Variants in FOXP2 observed in about 807,000 individuals in gnomAD.
FOXP2 encodes forkhead box P2.
A neutral mutation model predicts 115.8 loss-of-function variants in FOXP2; 12 were observed. The observed-to-expected ratio is 0.10, with a 90% CI of 0.07 to 0.17. FOXP2 has a LOEUF of 0.17. FOXP2 is among the 10% of genes least tolerant of loss of function. The pLI, the probability that FOXP2 is intolerant of heterozygous loss-of-function variation, is 1.00. For synonymous variants in FOXP2, 328 were observed against 297.7 expected (o/e 1.10, Z -1.05); for missense variants, 629 against 843.5 (o/e 0.75, Z 3.15).
intron 2 of FOXP2, among the ~76,000 whole-genome samples, chr7:114,526,552 A>C (rs1420148767): frequency 1.3e-5 from 2 of 151,868 alleles, no homozygotes; most frequent in African/African-American, 4.8e-5. Flanking sequence ...TAGTCTTCAC[A>C]GAAGTAATCA....
At chr7:114,664,765 A>G (rs902931260) in intron 16 of FOXP2, 2 of 330,240 alleles carry the variant, frequency 6.1e-6, no homozygotes, top group Non-Finnish European at 1.2e-5. Context: ...TGGTGCAATA[A>G]GAATATTCAT....
At position 114,313,344 on chromosome 7, in the gene FOXP2, C is replaced by G. The variant is rs561415808; in HGVS notation, c.-11+25235C>G. Among the ~76,000 whole-genome samples the G allele has an allele frequency of 2.1e-4, 32 of 152,254 alleles. No individual in the cohort carries two copies. In the Middle Eastern group the frequency reaches 0.01, roughly 49 times the overall value. On this transcript the variant is annotated intron_variant, in intron 2 of 17. Transcript: ENST00000634411. The stretch of plus-strand genomic sequence containing the variant: ...TACTTCCACTGATTATTTGGAACAT[C>G]TTTCTGGAGAAGACAGTCTCTAAAA...
intron 1 of FOXP2, among the ~76,000 whole-genome samples, chr7:114,121,927 C>G (rs561970346): frequency 6.6e-6 from 1 of 152,064 alleles, no homozygotes; most frequent in South Asian, 2.1e-4. Context: ...TAGTAAGTAC[C>G]TATTTGAAGA....
intron 1 of FOXP2, among the ~76,000 whole-genome samples, chr7:114,135,720 T>C (rs1027370306): frequency 6.6e-5 from 10 of 152,138 alleles, no homozygotes; most frequent in South Asian, 6.2e-4. Context: ...CTATGATGTA[T>C]TAAATCTGTT....
At chr7:114,194,864 A>G (rs1016413648) in intron 1 of FOXP2, among the ~76,000 whole-genome samples, 5 of 152,182 alleles carry the variant, frequency 3.3e-5, no homozygotes, top group Admixed American at 1.3e-4. Context: ...ACTATTAAGA[A>G]CACAGATATA....
intron 1 of FOXP2, among the ~76,000 whole-genome samples, chr7:114,182,547 A>T (rs1482420792): frequency 6.6e-6 from 1 of 151,936 alleles, no homozygotes; most frequent in Non-Finnish European, 1.5e-5. Context: ...ATTTGGAAGG[A>T]CATATTCTTA....
rs140874175 is a variant in FOXP2, at chr7:114,126,729, T to C, written c.-246-36215T>C. Among the ~76,000 whole-genome samples the C allele has an allele frequency of 2.0e-5, 3 of 152,214 alleles. No individual in the cohort carries two copies. The East Asian group carries it at 5.8e-4, about 29-fold the overall frequency. On this transcript the variant is annotated intron_variant, in intron 1 of 19. Coordinates refer to the FOXP2 transcript ENST00000635638. ...CTTGGCTTAGATTTGTATGAATGAG[T>C]AGGAACCTATGTGAAGGAAGGCATA...
intron 1 of FOXP2, among the ~76,000 whole-genome samples, chr7:114,100,599 T>A (rs192447830): frequency 6.6e-6 from 1 of 152,206 alleles, no homozygotes; most frequent in Non-Finnish European, 1.5e-5. Flanking sequence ...CTTTTATTTA[T>A]GTTAGCAATT....
chr7:114,384,314 TA>T (rs1205900492), intron 2 of FOXP2, among the ~76,000 whole-genome samples: 1 of 152,180 alleles, frequency 6.6e-6, no homozygotes, highest in Non-Finnish European at 1.5e-5. Context: ...TGCATTCCCA[TA>T]AACAACAGTT....
At chr7:114,419,242 A>G (rs535271832) in intron 1 of FOXP2, among the ~76,000 whole-genome samples, 95 of 152,038 alleles carry the variant, frequency 6.2e-4, no homozygotes, top group African/African-American at 2.0e-3. Flanking sequence ...GGCATTTTCT[A>G]TTGTTTGGCA....
intron 2 of FOXP2, among the ~76,000 whole-genome samples, chr7:114,452,728 A>G (rs187827595): frequency 6.6e-6 from 1 of 152,234 alleles, no homozygotes; most frequent in East Asian, 1.9e-4. Context: ...TAAGTACTCA[A>G]CAATGTGTGT....
At chr7:114,169,330 G>A (rs202005342) in intron 1 of FOXP2, among the ~76,000 whole-genome samples, 1 of 152,228 alleles carries the variant, frequency 6.6e-6, no homozygotes, top group African/African-American at 2.4e-5. Flanking sequence ...CCAAGACCAT[G>A]GGAACCCACC....
At chr7:114,531,849 T>A (rs1799158986) in intron 2 of FOXP2, among the ~76,000 whole-genome samples, 1 of 152,002 alleles carries the variant, frequency 6.6e-6, no homozygotes, top group Non-Finnish European at 1.5e-5. Context: ...TAGTGATACT[T>A]TGATGAGCAA....
At chr7:114,628,241 C>A (rs1804701744) in intron 3 of FOXP2, among the ~76,000 whole-genome samples, 1 of 151,986 alleles carries the variant, frequency 6.6e-6, no homozygotes, top group African/African-American at 2.4e-5. Flanking sequence ...AGAACACCAC[C>A]ATGTGGTTGT....
chr7:114,554,723 AAATT>A (rs1301240278), intron 3 of FOXP2, among the ~76,000 whole-genome samples: 5 of 152,330 alleles, frequency 3.3e-5, no homozygotes, highest in East Asian at 3.9e-4. Flanking sequence ...AACTGTCAAT[AAATT>A]AAGTTCTTTC....
intron 1 of FOXP2, among the ~76,000 whole-genome samples, chr7:114,102,701 C>CACAA (rs1349303595): frequency 1.8e-5 from 2 of 114,100 alleles, no homozygotes; most frequent in Non-Finnish European, 4.4e-5. Context: ...ACACACCACA[C>CACAA]ACACACACAC....
intron 9 of FOXP2, 117 bp downstream of exon 9, chr7:114,652,407 A>G: frequency 1.3e-6 from 1 of 799,314 alleles, no homozygotes; most frequent in Non-Finnish European, 2.1e-6. Context: ...TTCAATACTA[A>G]TGGAGATACA....
chr7:114,599,167 G>A (rs900056430), intron 3 of FOXP2, among the ~76,000 whole-genome samples: 1 of 152,042 alleles, frequency 6.6e-6, no homozygotes, highest in Non-Finnish European at 1.5e-5. Flanking sequence ...TTGTGGGGGA[G>A]CTTTCTATAT....
At chr7:114,465,587 T>C (rs1234315160) in intron 2 of FOXP2, among the ~76,000 whole-genome samples, 1 of 152,178 alleles carries the variant, frequency 6.6e-6, no homozygotes, top group Non-Finnish European at 1.5e-5. Flanking sequence ...AAACCACCTA[T>C]TAAAAGAGTG....
Sources: allele counts gnomAD v4.1 joint callset (sites outside exome capture counted in the v4.1 genomes callset), GRCh38; gene constraint gnomAD v4.1.1; transcripts MANE v1.5; gene names NCBI Gene and HGNC (gene_info 2026-07-23, HGNC 2026-07-21).